Variants in ENTPD1 observed in about 807,000 individuals in gnomAD.
The protein encoded by ENTPD1 is ATP diphosphohydrolase.
In ENTPD1, 33 loss-of-function variants were observed where a neutral mutation model predicts 57.0. That is an observed-to-expected ratio of 0.58 (90% CI 0.44 to 0.77). The LOEUF (loss-of-function observed/expected upper bound fraction) is 0.77, where lower values mean the gene tolerates loss of function less well. Ranked by LOEUF, ENTPD1 falls within the 30% of genes least tolerant of loss-of-function variation. ENTPD1 has a pLI of 0.00. For synonymous variants in ENTPD1, 202 were observed against 218.8 expected, an observed-to-expected ratio of 0.92 and a Z score of 0.68; for missense variants, 501 against 603.4, an observed-to-expected ratio of 0.83 and a Z score of 1.78.
intron 1 of ENTPD1, among the ~76,000 whole-genome samples, chr10:95,742,644 G>A (rs939900796): frequency 6.6e-6 from 1 of 150,390 alleles, no homozygotes; most frequent in African/African-American, 2.4e-5. Flanking sequence ...GGCCATTTCC[G>A]TGTCTTGGCA....
At chr10:95,762,389 AG>A (rs1410364363) in intron 1 of ENTPD1, among the ~76,000 whole-genome samples, 1 of 134,140 alleles carries the variant, frequency 7.5e-6, no homozygotes, top group Non-Finnish European at 1.7e-5. Flanking sequence ...ATTTCCTGGC[AG>A]TTTTTTTTTT....
In ENTPD1 at chr10:95,870,122, T is replaced by C. The variant is rs374470555; in HGVS notation, c.*3739T>C. 2 of 985,326 alleles carry C rather than the reference T, an allele frequency of 2.0e-6. No individual in the cohort carries two copies. The highest frequency in any genetic ancestry group is 2.3e-4 in the East Asian group (2 of 8,834). 61.0% of individuals were successfully genotyped at this position (985,326 alleles called of 1,614,324 possible). On this transcript the variant is annotated 3_prime_UTR_variant, in exon 10 of 10. Transcript: ENST00000371205. ...AAAGCTTTTGAGATCCTAGGTTGTA[T>C]TCCTCAGGTTTTGTTGCCTTCCCAT...
chr10:95,739,609 C>T (rs2097998127), intron 1 of ENTPD1, among the ~76,000 whole-genome samples: 1 of 152,240 alleles, frequency 6.6e-6, no homozygotes, highest in Non-Finnish European at 1.5e-5. Flanking sequence ...ATTTCCACCA[C>T]ATCTGCAGTT....
In ENTPD1 at chr10:95,868,028, C is replaced by T. The variant is rs372301238; in HGVS notation, c.*1645C>T. The stretch of plus-strand genomic sequence containing the variant: ...TTGTGGTAGTTGCCTATACTGTCAT[C>T]GCTGCTGTTGGTTGAGCATTTGTGG... On this transcript the variant is annotated 3_prime_UTR_variant, in exon 10 of 10. Transcript: ENST00000371205. 2.5e-5 allele frequency: 25 copies of T among 985,330 alleles called. No individual in the cohort carries two copies. In the East Asian group the frequency reaches 7.9e-4, roughly 31 times the overall value. 61.0% of individuals were successfully genotyped at this position (985,330 alleles called of 1,614,324 possible). A position where few individuals can be genotyped will look rare whatever the true frequency, so the allele number is the denominator to read the frequency against.
upstream of ENTPD1, chr10:95,755,618 A>G (rs2098020257): frequency 1.4e-6 from 2 of 1,385,378 alleles, no homozygotes; most frequent in Non-Finnish European, 2.0e-6. Context: ...CCAATAACGC[A>G]GCGTCTCCTG....
intron 1 of ENTPD1, among the ~76,000 whole-genome samples, chr10:95,718,598 G>A (rs897928061): frequency 6.6e-6 from 1 of 152,164 alleles, no homozygotes; most frequent in Non-Finnish European, 1.5e-5. Flanking sequence ...TGGGCATGGA[G>A]AACTAGGTGA....
intron 1 of ENTPD1, among the ~76,000 whole-genome samples, chr10:95,782,123 T>G (rs1259882220): frequency 6.6e-6 from 1 of 152,212 alleles, no homozygotes; most frequent in Non-Finnish European, 1.5e-5. Flanking sequence ...CATGAAGGCA[T>G]TGGTTTGCAG....
intron 1 of ENTPD1, among the ~76,000 whole-genome samples, chr10:95,784,102 CTT>C (rs200561277): frequency 1.8e-4 from 24 of 134,532 alleles, no homozygotes; most frequent in Non-Finnish European, 2.1e-4. Flanking sequence ...TTTGCTTGTT[CTT>C]TTTTTTTTTT....
chr10:95,702,199 T>C, the ENTPD1 span, among the ~76,000 whole-genome samples: 1 of 151,966 alleles, frequency 6.6e-6, no homozygotes, highest in East Asian at 1.9e-4. Context: ...TAGGTCCCAA[T>C]AAGAGGTCAT....
intron 2 of ENTPD1, among the ~76,000 whole-genome samples, chr10:95,830,347 G>A (rs2098392410): frequency 6.6e-6 from 1 of 152,190 alleles, no homozygotes; most frequent in Non-Finnish European, 1.5e-5. Flanking sequence ...TCTGAGCTTA[G>A]TATTTTTGGC....
chr10:95,848,441 T>C (rs1307025138), intron 7 of ENTPD1, among the ~76,000 whole-genome samples: 2 of 152,070 alleles, frequency 1.3e-5, no homozygotes, highest in African/African-American at 4.8e-5. Context: ...GGAAGTTTGA[T>C]TATCTTCCCG....
chr10:95,763,078 GTATTTATT>G (rs1053457898), intron 1 of ENTPD1, among the ~76,000 whole-genome samples: 1 of 151,692 alleles, frequency 6.6e-6, no homozygotes, highest in African/African-American at 2.4e-5. Flanking sequence ...TAGTTTTTCT[GTATTTATT>G]TATTTATTTA....
rs776768245 is a variant in ENTPD1, at chr10:95,847,819, G to T, written c.1074+113G>T. The T allele has an allele frequency of 2.3e-4, 338 of 1,498,068 alleles. 1 individual carries two copies. The highest frequency in any genetic ancestry group is 3.0e-4 in the Non-Finnish European group (323 of 1,092,704). The allele number at this position is 1,498,068 out of a possible 1,614,324, so 92.8% of individuals were successfully genotyped here. On this transcript the variant is annotated intron_variant, in intron 7 of 9. Coordinates refer to ENST00000371205, the MANE Select transcript of ENTPD1 (RefSeq NM_001776.6). ...TTTTTCTCTTACATAATGTCTTGAG[G>T]TAGATGATTAGGGGTTGGTTCTTCA...
At chr10:95,845,863 T>C (rs1414521819) in intron 6 of ENTPD1, 2 of 518,810 alleles carry the variant, frequency 3.9e-6, no homozygotes, top group African/African-American at 1.9e-5. Flanking sequence ...CCTCGTGGGG[T>C]TGATAATGAA....
chr10:95,844,598 G>A lies in ENTPD1; in HGVS notation c.536G>A (p.Trp179Ter). The A allele has an allele frequency of 5.0e-6, 8 of 1,614,192 alleles. No individual in the cohort carries two copies. The highest frequency in any genetic ancestry group is 1.7e-5 in the Admixed American group (1 of 60,028). ...GGCCAAGAGGAAGGTGCCTATGGCT[G>A]GATTACTATCAACTATCTGCTGGGC... ...ITGQEEGAYG[W>*]ITINYLLGKF... The change falls in exon 5 of 10, where the codon TGG becomes TAG. Residue 179 changes from tryptophan (W) to a stop codon, truncating the protein, a stop_gained. Transcript: ENST00000371205. LOFTEE classifies it high-confidence loss of function.
chr10:95,703,142 G>T, the ENTPD1 span, among the ~76,000 whole-genome samples: 1 of 152,062 alleles, frequency 6.6e-6, no homozygotes, highest in African/African-American at 2.4e-5. Context: ...TATCTTTAAG[G>T]AAGCTAACCT....
Position 95,869,662 on chromosome 10 carries a change from AAT to A in ENTPD1, c.*3282_*3283del. ...TCAATTCATCCAATTCTTAATAAGA[AAT>A]ATGTAAATAAAATTTTTTAAAATTA... On this transcript the variant is annotated 3_prime_UTR_variant, in exon 10 of 10. Coordinates refer to ENST00000371205, the MANE Select transcript of ENTPD1 (RefSeq NM_001776.6). 1.0e-6 allele frequency: 1 copy of A among 981,162 alleles called. No homozygotes were observed. Among genetic ancestry groups the A allele is most frequent in the African/African-American group, 1.7e-5 (1 of 57,260 alleles). 60.8% of individuals were successfully genotyped at this position (981,162 alleles called of 1,614,324 possible).
At chr10:95,856,671 T>TATATATATATATAC (rs571622251) in intron 7 of ENTPD1, among the ~76,000 whole-genome samples, 103 of 146,784 alleles carry the variant, frequency 7.0e-4, no homozygotes, top group African/African-American at 1.9e-3. Flanking sequence ...TATATATATA[T>TATATATATATATAC]ACACACACAT....
intron 9 of ENTPD1, among the ~76,000 whole-genome samples, chr10:95,865,440 C>T (rs116307528): frequency 0.037 from 5,650 of 152,248 alleles, 128 homozygotes; most frequent in Non-Finnish European, 0.049. Flanking sequence ...CCCAGCTGAG[C>T]GACTCATGCT....
Sources: allele counts gnomAD v4.1 joint callset (sites outside exome capture counted in the v4.1 genomes callset), GRCh38; gene constraint gnomAD v4.1.1; transcripts MANE v1.5; gene names NCBI Gene and HGNC (gene_info 2026-07-23, HGNC 2026-07-21).